TSHZ2: variants seen among roughly 807,000 people sequenced by gnomAD.
TSHZ2 encodes teashirt homolog 2.
In TSHZ2, 21 loss-of-function variants were observed where a neutral mutation model predicts 74.4. The observed-to-expected ratio is 0.28, with a 90% CI of 0.20 to 0.41. The LOEUF (loss-of-function observed/expected upper bound fraction) is 0.41, where lower values mean the gene tolerates loss of function less well. Among genes scored for constraint, TSHZ2 ranks in the 10% least tolerant of loss-of-function variants. The pLI is 1.00. For synonymous variants in TSHZ2, 540 were observed against 515.3 expected (o/e 1.05, Z -0.65); for missense variants, 1,244 against 1,293.5 (o/e 0.96, Z 0.59).
In TSHZ2 at chr20:53,180,480, C is replaced by T. The variant is rs1011593191; in HGVS notation, c.41-73019C>T. Among the ~76,000 whole-genome samples the T allele has an allele frequency of 3.3e-5, 5 of 152,218 alleles. No homozygotes were observed. In the South Asian group the frequency reaches 1.0e-3, roughly 32 times the overall value. On this transcript the variant is annotated intron_variant, in intron 1 of 2. Coordinates refer to ENST00000371497, the MANE Select transcript of TSHZ2 (RefSeq NM_173485.6). ...GTTTTACAAATTAATTTGCTGAAGT[C>T]CAGGGTGAGATACAGGTTTATGCAG...
intron 1 of TSHZ2, among the ~76,000 whole-genome samples, chr20:53,163,679 G>C (rs1988000993): frequency 6.6e-6 from 1 of 151,960 alleles, no homozygotes; most frequent in Non-Finnish European, 1.5e-5. Context: ...GGCGTCACTA[G>C]GCAGTCCACA....
intron 1 of TSHZ2, among the ~76,000 whole-genome samples, chr20:53,001,238 G>GTGTGTGTGTGTGTA: frequency 6.8e-6 from 1 of 146,260 alleles, no homozygotes; most frequent in East Asian, 2.0e-4. Context: ...GTGTGTGTGT[G>GTGTGTGTGTGTGTA]TGTGTGTGTG....
intron 2 of TSHZ2, chr20:53,461,683 C>G (rs1216893506): frequency 6.6e-6 from 1 of 152,212 alleles, no homozygotes; most frequent in Non-Finnish European, 1.5e-5. Context: ...GACACACACT[C>G]CTGCATGCCC....
At chr20:53,171,037 C>G (rs1336746226) in intron 1 of TSHZ2, among the ~76,000 whole-genome samples, 1 of 151,728 alleles carries the variant, frequency 6.6e-6, no homozygotes, top group Non-Finnish European at 1.5e-5. Flanking sequence ...TGCACCGCAG[C>G]TTTAATTTAG....
Position 53,045,757 on chromosome 20 carries a change from C to T in TSHZ2, c.40+72424C>T, listed in dbSNP as rs542136731. Among the ~76,000 whole-genome samples, 437 of 152,232 alleles carry T rather than the reference C, an allele frequency of 2.9e-3. 2 individuals carry two copies. The highest frequency in any genetic ancestry group is 4.6e-3 in the Non-Finnish European group (314 of 68,024). On this transcript the variant is annotated intron_variant, in intron 1 of 2. Transcript: ENST00000371497. ...CTTCTCTACCTATGGGTAGTAATCC[C>T]GGAGGGATGTGGTGAGGCATAAGAG...
At chr20:53,019,618 T>A (rs2123028344) in intron 1 of TSHZ2, among the ~76,000 whole-genome samples, 1 of 152,324 alleles carries the variant, frequency 6.6e-6, no homozygotes, top group Admixed American at 6.5e-5. Flanking sequence ...GGCCTTTACG[T>A]GAATCTACGT....
intron 2 of TSHZ2, among the ~76,000 whole-genome samples, chr20:53,401,445 A>G (rs937423348): frequency 1.2e-4 from 18 of 152,186 alleles, no homozygotes; most frequent in Admixed American, 3.9e-4. Flanking sequence ...GTTTGGTTAC[A>G]TGGGTAAGTT....
At chr20:53,395,870 A>G (rs1982425267) in intron 2 of TSHZ2, among the ~76,000 whole-genome samples, 1 of 152,242 alleles carries the variant, frequency 6.6e-6, no homozygotes, top group Non-Finnish European at 1.5e-5. Flanking sequence ...AGATGTTCCA[A>G]TAGCATGCAA....
At chr20:53,087,679 T>C (rs1331289330) in intron 1 of TSHZ2, among the ~76,000 whole-genome samples, 1 of 152,196 alleles carries the variant, frequency 6.6e-6, no homozygotes, top group African/African-American at 2.4e-5. Context: ...CTTTTTTGAT[T>C]TGCTTGTGTA....
At chr20:53,449,881 A>G (rs1984705598) in intron 2 of TSHZ2, among the ~76,000 whole-genome samples, 1 of 152,206 alleles carries the variant, frequency 6.6e-6, no homozygotes, top group Admixed American at 6.5e-5. Flanking sequence ...TCCCTTTGGC[A>G]ACATTGATCT....
rs1555813582 is a variant in TSHZ2, at chr20:53,001,218, G to GTGTGTGTGTGTGTGTGTATA, written c.40+27902_40+27903insATATGTGTGTGTGTGTGTGT. ...TGCGTTCATGTGCGTGTGTGTGTGT[G>GTGTGTGTGTGTGTGTGTATA]TGTGTGTGTGTGTGTGTGTGTGTGT... On this transcript the variant is annotated intron_variant, in intron 1 of 2. Transcript: ENST00000371497. 7.5e-3 allele frequency among the ~76,000 whole-genome samples: 1,084 copies of GTGTGTGTGTGTGTGTGTATA among 145,234 alleles called. 17 individuals are homozygous for GTGTGTGTGTGTGTGTGTATA. Among genetic ancestry groups the GTGTGTGTGTGTGTGTGTATA allele is most frequent in the African/African-American group, 0.025 (966 of 38,198 alleles).
At chr20:52,992,458 A>G (rs1377480058) in intron 1 of TSHZ2, among the ~76,000 whole-genome samples, 1 of 152,214 alleles carries the variant, frequency 6.6e-6, no homozygotes, top group Non-Finnish European at 1.5e-5. Context: ...ACAGTTCTTC[A>G]GTGGGGCTTT....
chr20:53,097,987 G>A (rs1986103588), intron 1 of TSHZ2: 2 of 152,248 alleles, frequency 1.3e-5, no homozygotes, highest in African/African-American at 4.8e-5. Context: ...TATTGCTGAT[G>A]ATGTGGATGT....
At chr20:52,983,535 T>A (rs1022553878) in intron 1 of TSHZ2, among the ~76,000 whole-genome samples, 1 of 152,232 alleles carries the variant, frequency 6.6e-6, no homozygotes, top group South Asian at 2.1e-4. Context: ...TGTATACTAA[T>A]TAATTACTTT....
At chr20:53,181,476 C>T (rs1211035082) in intron 1 of TSHZ2, among the ~76,000 whole-genome samples, 4 of 152,140 alleles carry the variant, frequency 2.6e-5, no homozygotes, top group African/African-American at 9.7e-5. Flanking sequence ...AAAACAAATA[C>T]ACTGGACAGA....
At chr20:53,036,362 TTTA>T in intron 1 of TSHZ2, among the ~76,000 whole-genome samples, 1 of 152,246 alleles carries the variant, frequency 6.6e-6, no homozygotes, top group Non-Finnish European at 1.5e-5. Context: ...AAAAATAACT[TTTA>T]TTATTCATAT....
In TSHZ2 at chr20:53,256,513, A is replaced by T. The variant is rs756061391; in HGVS notation, c.3055A>T (p.Lys1019Ter). ...VKLHLSKTHS[K>*]SPEHHSQFVT... ...ACTCCACCTAAGCAAAACGCACAGC[A>T]AGTCACCCGAACACCATTCACAGTT... The change falls in exon 2 of 3, where the codon AAG becomes TAG. Residue 1019 changes from lysine (K) to a stop codon, truncating the protein, a stop_gained. Transcript: ENST00000371497. LOFTEE classifies it high-confidence loss of function. This position sits in a 1 kb window ranked among gnomAD's most constrained non-coding sequence, Gnocchi z 4.3. 3 of 1,611,092 alleles carry T rather than the reference A, an allele frequency of 1.9e-6. No individual in the cohort carries two copies. The highest frequency in any genetic ancestry group is 2.5e-6 in the Non-Finnish European group (3 of 1,178,002).
chr20:53,487,022 C>G (rs1385681395), intron 2 of TSHZ2, 122 bp from the exon 3 acceptor site: 1 of 152,458 alleles, frequency 6.6e-6, no homozygotes. Flanking sequence ...TAGGACTCTA[C>G]TCAGAACATT....
chr20:53,156,838 A>G lies in TSHZ2; in HGVS notation c.41-96661A>G, dbSNP rs542416898. Among the ~76,000 whole-genome samples the G allele has an allele frequency of 4.0e-3, 604 of 152,366 alleles. 3 individuals are homozygous for G. Among genetic ancestry groups the G allele is most frequent in the Non-Finnish European group, 6.2e-3 (425 of 68,036 alleles). On this transcript the variant is annotated intron_variant, in intron 1 of 2. Coordinates refer to ENST00000371497, the MANE Select transcript of TSHZ2 (RefSeq NM_173485.6). ...TCTAAAGGCAGTCAAAGATTATAAG[A>G]TAACGTTTCTGTAGGTAGGGGGAAA...
Sources: allele counts gnomAD v4.1 joint callset (sites outside exome capture counted in the v4.1 genomes callset), GRCh38; gene constraint gnomAD v4.1.1; non-coding constraint Gnocchi (gnomAD v3.1); transcripts MANE v1.5; gene names NCBI Gene and HGNC (gene_info 2026-07-23, HGNC 2026-07-21).